VPS35L: variants seen among roughly 807,000 people sequenced by gnomAD.
VPS35L encodes VPS35 endosomal protein-sorting factor-like.
VPS35L carries 83 observed loss-of-function variants against 133.0 expected under a neutral mutation model. That is an observed-to-expected ratio of 0.62 (90% confidence interval 0.52 to 0.75). The LOEUF (loss-of-function observed/expected upper bound fraction) is 0.75. Among genes scored for constraint, VPS35L ranks in the 30% least tolerant of loss-of-function variants. The pLI is 0.00. For synonymous variants in VPS35L, 423 were observed against 449.9 expected, an observed-to-expected ratio of 0.94 and a Z score of 0.76; for missense variants, 1,083 against 1,206.8, an observed-to-expected ratio of 0.90 and a Z score of 1.52.
At chr16:19,655,515 G>C (rs1357720294) in intron 26 of VPS35L, among the ~76,000 whole-genome samples, 2 of 152,154 alleles carry the variant, frequency 1.3e-5, no homozygotes, top group African/African-American at 4.8e-5. Flanking sequence ...ATCCGGCCTT[G>C]GTTGTATCTT....
intron 8 of VPS35L, among the ~76,000 whole-genome samples, chr16:19,595,973 G>A (rs1423152586): frequency 1.3e-5 from 2 of 152,080 alleles, no homozygotes; most frequent in Non-Finnish European, 2.9e-5. Context: ...GTGAAACCTC[G>A]TCTCTACTAA....
In VPS35L at chr16:19,682,316, T is replaced by C; in HGVS notation, c.2453T>C (p.Ile818Thr). The C allele has an allele frequency of 6.2e-7, 1 of 1,612,210 alleles. No homozygotes were observed. The highest frequency in any genetic ancestry group is 8.5e-7 in the Non-Finnish European group (1 of 1,179,282). ...YTWEDNSDEK[I>T]RIYTCVLHLL... ...TGGGAGGACAACAGCGATGAGAAAA[T>C]CCGCATCTACACCTGCGTCCTGCAT... is the stretch of plus-strand genomic sequence containing the variant. The change falls in exon 28 of 31, where the codon ATC (isoleucine) becomes ACC (threonine). Residue 818 changes from isoleucine to threonine, a missense_variant. By Grantham distance (89) the Ile-to-Thr change is moderately conservative (BLOSUM62 -1). Transcript: ENST00000417362.
chr16:19,626,042 T>TA, intron 14 of VPS35L, 135 bp from the exon 15 acceptor site: 2 of 595,448 alleles, frequency 3.4e-6, no homozygotes, highest in Non-Finnish European at 5.8e-6. Context: ...TCCCCATCCC[T>TA]ACCAGACACT....
intron 3 of VPS35L, among the ~76,000 whole-genome samples, chr16:19,571,181 A>G (rs1000141151): frequency 6.6e-6 from 1 of 151,592 alleles, no homozygotes; most frequent in Non-Finnish European, 1.5e-5. Flanking sequence ...TGTGTTTCAT[A>G]TATTATTTAC....
intron 5 of VPS35L, 174 bp from the exon 6 acceptor site, chr16:19,578,878 G>T: frequency 4.6e-6 from 3 of 648,142 alleles, no homozygotes; most frequent in Non-Finnish European, 8.3e-6. Flanking sequence ...GAAATGTTTC[G>T]ATGGAATTCT....
chr16:19,582,030 G>A (rs563066972), intron 7 of VPS35L: 4 of 179,048 alleles, frequency 2.2e-5, no homozygotes, highest in South Asian at 3.5e-4. Context: ...GACCGCATTC[G>A]CTTGGTGTCT....
chr16:19,563,575 G>C (rs1021258430), intron 1 of VPS35L, among the ~76,000 whole-genome samples: 3 of 152,094 alleles, frequency 2.0e-5, no homozygotes. Flanking sequence ...TCTTCACGTT[G>C]CTTGTGTCTT....
At chr16:19,601,931 G>A (rs1972396736) in intron 9 of VPS35L, among the ~76,000 whole-genome samples, 1 of 152,110 alleles carries the variant, frequency 6.6e-6, no homozygotes, top group Non-Finnish European at 1.5e-5. Flanking sequence ...ACTCAGGCAA[G>A]TCATTTGAAT....
At chr16:19,568,543 G>A (rs191979053) in intron 2 of VPS35L, among the ~76,000 whole-genome samples, 3 of 152,170 alleles carry the variant, frequency 2.0e-5, no homozygotes, top group East Asian at 1.9e-4. Flanking sequence ...GGTCTTTCTG[G>A]TGACCAGACC....
In VPS35L at chr16:19,625,551, A is replaced by G. The variant is rs115044736; in HGVS notation, c.1225-626A>G. 5.4e-3 allele frequency among the ~76,000 whole-genome samples: 826 copies of G among 152,254 alleles called. 6 individuals are homozygous for G. The highest frequency in any genetic ancestry group is 0.019 in the African/African-American group (777 of 41,540). ...AGATGATACCACTTGTAGCCTTTCAATAAGGACAAGGAGACCCAGGTTCGA... is the reference window on the plus strand; with the variant it reads ...AGATGATACCACTTGTAGCCTTTCAGTAAGGACAAGGAGACCCAGGTTCGA... On this transcript the variant is annotated intron_variant, in intron 14 of 30. Transcript: ENST00000417362.
At position 19,579,099 on chromosome 16, in the gene VPS35L, C is replaced by A. The variant is rs949404609; in HGVS notation, c.481C>A (p.Arg161=). The A allele has an allele frequency of 6.2e-7, 1 of 1,613,962 alleles. No homozygotes were observed. Among genetic ancestry groups the A allele is most frequent in the African/African-American group, 1.3e-5 (1 of 74,936 alleles). Residue 161 remains arginine (R), a synonymous_variant, in exon 6 of 31, where the codon CGG becomes AGG. Coordinates refer to ENST00000417362, the MANE Select transcript of VPS35L (RefSeq NM_020314.7). ...TLAMSEKVRT[R]LEELDDFEEG... ...GGCAATGTCAGAGAAGGTGCGGACC[C>A]GGCTGGAGGAGCTGGATGACTTTGA...
intron 12 of VPS35L, among the ~76,000 whole-genome samples, chr16:19,612,625 A>G (rs772684921): frequency 7.2e-5 from 11 of 152,208 alleles, no homozygotes; most frequent in Non-Finnish European, 1.6e-4. Context: ...ACACCTTGAC[A>G]TCATTTGAAT....
chr16:19,646,688 A>G (rs1204610031), intron 23 of VPS35L, among the ~76,000 whole-genome samples: 1 of 151,622 alleles, frequency 6.6e-6, no homozygotes, highest in Non-Finnish European at 1.5e-5. Flanking sequence ...AAGAAATCAC[A>G]CAGTAAACCC....
At chr16:19,676,755 T>C (rs1200114258) in intron 27 of VPS35L, among the ~76,000 whole-genome samples, 1 of 152,160 alleles carries the variant, frequency 6.6e-6, no homozygotes, top group African/African-American at 2.4e-5. Flanking sequence ...CATTTGTCGA[T>C]CCAGGAATTA....
At chr16:19,581,331 ACT>A (rs1971702114) in intron 6 of VPS35L, among the ~76,000 whole-genome samples, 192 bp from the exon 7 acceptor site, 1 of 152,084 alleles carries the variant, frequency 6.6e-6, no homozygotes, top group Non-Finnish European at 1.5e-5. Flanking sequence ...AACCCACAGC[ACT>A]CTGTCCATCT....
At chr16:19,611,212 C>T (rs561973330) in intron 12 of VPS35L, among the ~76,000 whole-genome samples, 2 of 152,240 alleles carry the variant, frequency 1.3e-5, no homozygotes, top group South Asian at 4.2e-4. Flanking sequence ...GTTGGCCAGG[C>T]TGGTCTCGAA....
intron 5 of VPS35L, 125 bp from the exon 6 acceptor site, chr16:19,578,927 T>C (rs1300375639): frequency 3.7e-6 from 3 of 821,316 alleles, no homozygotes; most frequent in Non-Finnish European, 6.1e-6. Context: ...CTGGGATAGT[T>C]TTCTATAATG....
In VPS35L at chr16:19,693,293, G is replaced by T. The variant is rs369374482; in HGVS notation, c.2646+1822G>T. Among the ~76,000 whole-genome samples the T allele has an allele frequency of 9.2e-5, 14 of 152,176 alleles. No individual in the cohort carries two copies. The South Asian group carries it at 1.2e-3, about 14-fold the overall frequency. On this transcript the variant is annotated intron_variant, in intron 29 of 30. Coordinates refer to ENST00000417362, the MANE Select transcript of VPS35L (RefSeq NM_020314.7). ...TATGTGGATGTGTGTGTTGCGGGGG[G>T]GCAGGGGAGGGCAATGAAGAGAGGT...
At chr16:19,696,338 G>A (rs557595374) in intron 29 of VPS35L, among the ~76,000 whole-genome samples, 27 of 152,252 alleles carry the variant, frequency 1.8e-4, no homozygotes, top group Non-Finnish European at 2.5e-4. Flanking sequence ...TGGGGTGGGC[G>A]GCTTCTTGCT....
Sources: allele counts gnomAD v4.1 joint callset (sites outside exome capture counted in the v4.1 genomes callset), GRCh38; gene constraint gnomAD v4.1.1; transcripts MANE v1.5; gene names NCBI Gene and HGNC (gene_info 2026-07-23, HGNC 2026-07-21).